Variants in ERC1 observed in about 807,000 individuals in gnomAD.
ERC1 encodes the protein ELKS/RAB6-interacting/CAST family member 1.
ERC1 carries 56 observed loss-of-function variants against 132.0 expected under a neutral mutation model. That is an observed-to-expected ratio of 0.42 (90% CI 0.34 to 0.53). The LOEUF is 0.53. ERC1 is among the 20% of genes least tolerant of loss of function. ERC1 has a pLI of 0.03. For missense variants in ERC1, 1,202 were observed against 1,349.9 expected (o/e 0.89, Z 1.72); for synonymous variants, 478 against 476.1 (o/e 1.00, Z -0.05).
At chr12:1,015,289 C>T (rs537594364) in intron 1 of ERC1, among the ~76,000 whole-genome samples, 6 of 151,158 alleles carry the variant, frequency 4.0e-5, no homozygotes, top group Non-Finnish European at 8.9e-5. Flanking sequence ...GAACTCCTGA[C>T]CTCAAGTGAT....
chr12:1,017,493 G>T (rs982168305), intron 1 of ERC1, among the ~76,000 whole-genome samples: 1 of 144,160 alleles, frequency 6.9e-6, no homozygotes, highest in African/African-American at 2.5e-5. Flanking sequence ...TGTTGTTCTG[G>T]TATTTTTTTT....
At chr12:1,084,594 A>T (rs945687232) in intron 3 of ERC1, among the ~76,000 whole-genome samples, 1 of 152,180 alleles carries the variant, frequency 6.6e-6, no homozygotes, top group Non-Finnish European at 1.5e-5. Context: ...AAATTGGGAA[A>T]TAGATTAACA....
intron 17 of ERC1, among the ~76,000 whole-genome samples, chr12:1,424,850 A>C (rs1410498637): frequency 2.7e-4 from 33 of 122,560 alleles, no homozygotes; most frequent in African/African-American, 1.3e-3. Context: ...TAGATGATAG[A>C]TAGATAGATA....
At chr12:1,083,720 A>G in intron 3 of ERC1, 140 bp downstream of exon 3, 1 of 669,068 alleles carries the variant, frequency 1.5e-6, no homozygotes, top group Admixed American at 2.9e-5. Context: ...TAAGTGCGTC[A>G]CTGATTTCTG....
chr12:993,816 T>C (rs1484379669), intron 1 of ERC1, among the ~76,000 whole-genome samples: 1 of 152,132 alleles, frequency 6.6e-6, no homozygotes, highest in Admixed American at 6.6e-5. Context: ...GCAGAAGAAT[T>C]GCTTGAGCCT....
intron 2 of ERC1, among the ~76,000 whole-genome samples, chr12:1,058,398 A>G (rs1354970971): frequency 6.6e-6 from 1 of 151,866 alleles, no homozygotes; most frequent in Non-Finnish European, 1.5e-5. Flanking sequence ...GTCTAATTTA[A>G]TTTTTCTGCA....
intron 15 of ERC1, among the ~76,000 whole-genome samples, chr12:1,303,822 C>T (rs962910876): frequency 1.3e-5 from 2 of 151,514 alleles, no homozygotes; most frequent in Non-Finnish European, 2.9e-5. Flanking sequence ...GGTGTGGTGG[C>T]GCATGCCTGT....
chr12:1,366,070 A>G (rs535768641), intron 15 of ERC1, among the ~76,000 whole-genome samples: 19 of 152,310 alleles, frequency 1.2e-4, no homozygotes, highest in African/African-American at 4.6e-4. Context: ...GGGAGGGGAA[A>G]AGAGGAGTTA....
chr12:1,140,243 T>G (rs1949740624), intron 7 of ERC1, among the ~76,000 whole-genome samples: 2 of 152,170 alleles, frequency 1.3e-5, no homozygotes, highest in African/African-American at 2.4e-5. Flanking sequence ...AGACTAGTCT[T>G]GTTAAGAAAT....
chr12:1,481,980 A>G (rs890163685), intron 18 of ERC1, among the ~76,000 whole-genome samples: 1 of 151,996 alleles, frequency 6.6e-6, no homozygotes, highest in African/African-American at 2.4e-5. Context: ...CTTCTTAGTC[A>G]TGCTGCCATT....
At chr12:1,181,518 G>A (rs946124677) in intron 9 of ERC1, among the ~76,000 whole-genome samples, 1 of 152,118 alleles carries the variant, frequency 6.6e-6, no homozygotes, top group Non-Finnish European at 1.5e-5. Flanking sequence ...ATGTATTCTG[G>A]CCAGGCACAA....
At chr12:1,140,599 G>A (rs2154248241) in intron 7 of ERC1, among the ~76,000 whole-genome samples, 1 of 152,206 alleles carries the variant, frequency 6.6e-6, no homozygotes, top group East Asian at 1.9e-4. Flanking sequence ...TACCCTAAAT[G>A]TGAAACATTA....
At chr12:1,389,147 C>T (rs967559771) in intron 16 of ERC1, among the ~76,000 whole-genome samples, 2 of 152,070 alleles carry the variant, frequency 1.3e-5, no homozygotes, top group Non-Finnish European at 2.9e-5. Context: ...GAAGTGGTCT[C>T]CCTAATTAAA....
chr12:1,028,083 A>C lies in ERC1; in HGVS notation c.180A>C (p.Gln60His), dbSNP rs1371158410. Residue 60 changes from glutamine to histidine, a missense_variant, in exon 2 of 19, where the codon CAA (glutamine) becomes CAC (histidine). Physicochemically the swap from Gln to His is conservative, Grantham distance 24 (BLOSUM62 0). Coordinates refer to ENST00000360905, the MANE Select transcript of ERC1 (RefSeq NM_178040.4). ...AAACCCTTTCAATGGAAAATATACAATCTTTAAATGCTGCCTATGCCACCT... is the reference window on the plus strand; with the variant it reads ...AAACCCTTTCAATGGAAAATATACACTCTTTAAATGCTGCCTATGCCACCT... ...SGKTLSMENIQSLNAAYATSG... is the reference protein window; with the variant it reads ...SGKTLSMENIHSLNAAYATSG... 3 of 1,614,010 alleles carry C rather than the reference A, an allele frequency of 1.9e-6. No individual in the cohort carries two copies. Among genetic ancestry groups the C allele is most frequent in the Non-Finnish European group, 2.5e-6 (3 of 1,180,034 alleles).
intron 12 of ERC1, among the ~76,000 whole-genome samples, chr12:1,235,060 A>G (rs1202778531): frequency 6.6e-6 from 1 of 152,230 alleles, no homozygotes; most frequent in Non-Finnish European, 1.5e-5. Context: ...GAGAAGATTG[A>G]TACATTTGAA....
At chr12:1,012,560 C>T (rs1436036691) in intron 1 of ERC1, among the ~76,000 whole-genome samples, 1 of 151,300 alleles carries the variant, frequency 6.6e-6, no homozygotes, top group East Asian at 1.9e-4. Context: ...GCAACCTCCA[C>T]CTCCTGGGTT....
chr12:1,111,182 C>G (rs1395774727), intron 5 of ERC1, among the ~76,000 whole-genome samples: 1 of 152,098 alleles, frequency 6.6e-6, no homozygotes, highest in Non-Finnish European at 1.5e-5. Context: ...CCACCAAGAC[C>G]TATCAGTCTG....
intron 8 of ERC1, among the ~76,000 whole-genome samples, chr12:1,164,304 TTTATG>T (rs1555279719): frequency 7.2e-6 from 1 of 138,056 alleles, no homozygotes; most frequent in African/African-American, 2.7e-5. Context: ...GTTATTTTAT[TTTATG>T]TTATTTTATT....
At chr12:1,373,178 G>A (rs1403805401) in intron 16 of ERC1, among the ~76,000 whole-genome samples, 1 of 152,218 alleles carries the variant, frequency 6.6e-6, no homozygotes, top group Non-Finnish European at 1.5e-5. Context: ...TAGGAAGAAT[G>A]TGCTTATTAT....
Sources: gnomAD v4.1 joint callset for allele counts (sites outside exome capture counted in the v4.1 genomes callset) on GRCh38, gnomAD v4.1.1 for gene constraint, MANE v1.5 for transcripts, NCBI Gene and HGNC (gene_info 2026-07-23, HGNC 2026-07-21) for gene names.